PCDHGA1: variants seen among roughly 807,000 people sequenced by gnomAD.
PCDHGA1 encodes protocadherin gamma subfamily A, 1.
In PCDHGA1, 32 loss-of-function variants were observed where a neutral mutation model predicts 58.0. The observed-to-expected ratio is 0.55, with a 90% CI of 0.42 to 0.74. The LOEUF (loss-of-function observed/expected upper bound fraction) is 0.74, where lower values mean the gene tolerates loss of function less well. Among genes scored for constraint, PCDHGA1 ranks in the 30% least tolerant of loss-of-function variants. The pLI is 0.00. For synonymous variants in PCDHGA1, 498 were observed against 501.1 expected (o/e 0.99, Z 0.08); for missense variants, 1,205 against 1,182.3 (o/e 1.02, Z -0.28).
At chr5:141,502,932 C>T (rs1039438031) in intron 2 of PCDHGA1, among the ~76,000 whole-genome samples, 2 of 143,766 alleles carry the variant, frequency 1.4e-5, no homozygotes, top group African/African-American at 5.3e-5. Context: ...CAACCTTCAC[C>T]TCCTGGGTTC....
At chr5:141,345,042 G>C in intron 1 of PCDHGA1, 1 of 1,613,972 alleles carries the variant, frequency 6.2e-7, no homozygotes, top group Non-Finnish European at 8.5e-7. Context: ...TCTAGTCACG[G>C]TTCTGGATGT....
chr5:141,469,868 C>T (rs749624047), intron 1 of PCDHGA1, among the ~76,000 whole-genome samples: 6 of 152,228 alleles, frequency 3.9e-5, no homozygotes, highest in Non-Finnish European at 7.3e-5. Flanking sequence ...CAATGGCTCA[C>T]GCCTGTAATC....
In PCDHGA1 at chr5:141,372,187, C is replaced by T. The variant is rs368451043; in HGVS notation, c.2421+39082C>T. ...AAGGTGGTGGCGGTGGACGCAGACT[C>T]GGGATACAACGCCTGGCTGTCCTAC... On this transcript the variant is annotated intron_variant, in intron 1 of 3. Coordinates refer to ENST00000517417, the MANE Select transcript of PCDHGA1 (RefSeq NM_018912.3). 5 of 1,613,508 alleles carry T rather than the reference C, an allele frequency of 3.1e-6. No homozygotes were observed. The highest frequency in any genetic ancestry group is 4.2e-6 in the Non-Finnish European group (5 of 1,179,930).
chr5:141,368,427 C>T (rs1228865676), intron 1 of PCDHGA1, among the ~76,000 whole-genome samples: 1 of 151,790 alleles, frequency 6.6e-6, no homozygotes, highest in Non-Finnish European at 1.5e-5. Context: ...ACATTCTGAC[C>T]AAAATGTAAA....
At chr5:141,363,369 A>G (rs1274938037) in intron 1 of PCDHGA1, among the ~76,000 whole-genome samples, 1 of 152,198 alleles carries the variant, frequency 6.6e-6, no homozygotes, top group Non-Finnish European at 1.5e-5. Context: ...TTTTCAATCA[A>G]GAGGTTTTTC....
Position 141,485,785 on chromosome 5 carries a change from G to C in PCDHGA1, c.2422-9022G>C. ...TGGAGAAGCCTTTGGATCGAGAGAAGCAATCGGACTACCGCCTGGTGCTGA... is the reference window on the plus strand; with the variant it reads ...TGGAGAAGCCTTTGGATCGAGAGAACCAATCGGACTACCGCCTGGTGCTGA... On this transcript the variant is annotated intron_variant, in intron 1 of 3. Coordinates refer to ENST00000517417, the MANE Select transcript of PCDHGA1 (RefSeq NM_018912.3). The surrounding 1 kb of genome is among the most constrained non-coding windows in gnomAD (Gnocchi z 5.7). The C allele has an allele frequency of 1.2e-6, 2 of 1,614,214 alleles. No individual in the cohort carries two copies. The highest frequency in any genetic ancestry group is 1.7e-6 in the Non-Finnish European group (2 of 1,180,030).
At chr5:141,350,221 A>C in intron 1 of PCDHGA1, 2 of 1,494,264 alleles carry the variant, frequency 1.3e-6, no homozygotes, top group South Asian at 2.9e-5. Flanking sequence ...CTTTTTGAAA[A>C]ACATCCCAGA....
intron 3 of PCDHGA1, among the ~76,000 whole-genome samples, chr5:141,508,975 G>T (rs1360718244): frequency 2.6e-5 from 4 of 152,148 alleles, no homozygotes; most frequent in African/African-American, 7.2e-5. Context: ...AAGGGCTGGG[G>T]GTGGGGGCCA....
chr5:141,347,139 CTT>C (rs1383225800), intron 1 of PCDHGA1, among the ~76,000 whole-genome samples: 10 of 89,090 alleles, frequency 1.1e-4, no homozygotes, highest in East Asian at 6.6e-4. Flanking sequence ...CTGTTTCTCT[CTT>C]TCTTTCTTTC....
At chr5:141,453,932 C>T (rs57919166) in intron 1 of PCDHGA1, among the ~76,000 whole-genome samples, 2 of 152,296 alleles carry the variant, frequency 1.3e-5, no homozygotes, top group African/African-American at 4.8e-5. Context: ...TCACTGTGTG[C>T]CTATAATTTA....
chr5:141,418,767 C>T (rs770275597), intron 1 of PCDHGA1: 1 of 1,613,850 alleles, frequency 6.2e-7, no homozygotes, highest in Non-Finnish European at 8.5e-7. Flanking sequence ...AACATTCTAA[C>T]TCAGCAGCCT....
intron 1 of PCDHGA1, chr5:141,419,521 C>T (rs1418329404): frequency 1.2e-6 from 2 of 1,612,122 alleles, no homozygotes; most frequent in East Asian, 2.2e-5. Context: ...TGGTGGGCGA[C>T]CGTAACGACA....
chr5:141,413,839 G>T (rs971599906), intron 1 of PCDHGA1: 1 of 1,613,310 alleles, frequency 6.2e-7, no homozygotes, highest in African/African-American at 1.3e-5. Flanking sequence ...CTCCGACGGG[G>T]GTGACCCTCT....
At chr5:141,360,215 G>C (rs777537456) in intron 1 of PCDHGA1, 30 of 1,613,432 alleles carry the variant, frequency 1.9e-5, no homozygotes, top group Non-Finnish European at 2.5e-5. Flanking sequence ...TTGTTCCCCG[G>C]GGCTCTCCCA....
intron 1 of PCDHGA1, among the ~76,000 whole-genome samples, chr5:141,494,529 G>C (rs952931724): frequency 1.3e-5 from 2 of 152,132 alleles, no homozygotes; most frequent in African/African-American, 4.8e-5. Flanking sequence ...TCTGACTCTG[G>C]GGGCAGGGAG....
chr5:141,365,331 T>G, intron 1 of PCDHGA1: 1 of 1,613,960 alleles, frequency 6.2e-7, no homozygotes, highest in Non-Finnish European at 8.5e-7. Flanking sequence ...GCTAAGGTGG[T>G]GGTCACAGTA....
intron 1 of PCDHGA1, among the ~76,000 whole-genome samples, chr5:141,369,532 T>C (rs1330154732): frequency 1.3e-5 from 2 of 152,314 alleles, no homozygotes; most frequent in African/African-American, 2.4e-5. Flanking sequence ...ATCATACTTA[T>C]TTAATTAAAA....
intron 1 of PCDHGA1, chr5:141,422,579 C>T: frequency 6.2e-7 from 1 of 1,614,052 alleles, no homozygotes; most frequent in Non-Finnish European, 8.5e-7. Flanking sequence ...GATAACCCTC[C>T]CGTTTTTCCT....
intron 1 of PCDHGA1, chr5:141,409,185 C>G (rs765063807): frequency 6.2e-7 from 1 of 1,614,024 alleles, no homozygotes; most frequent in South Asian, 1.1e-5. Flanking sequence ...GGTGGTCTCT[C>G]TACCCAGTGT....
Sources: allele counts gnomAD v4.1 joint callset (sites outside exome capture counted in the v4.1 genomes callset), GRCh38; gene constraint gnomAD v4.1.1; non-coding constraint Gnocchi (gnomAD v3.1); transcripts MANE v1.5; gene names NCBI Gene and HGNC (gene_info 2026-07-23, HGNC 2026-07-21).